CD163: variants seen among roughly 807,000 people sequenced by gnomAD.
CD163 encodes the protein scavenger receptor cysteine-rich type 1 protein M130.
A neutral mutation model predicts 129.2 loss-of-function variants in CD163; 64 were observed. The observed-to-expected ratio is 0.50, with a 90% CI of 0.41 to 0.61. CD163 has a LOEUF of 0.61. Ranked by LOEUF, CD163 falls within the 20% of genes least tolerant of loss-of-function variation. The pLI is 0.00. For missense variants in CD163, 1,061 were observed against 1,377.9 expected (o/e 0.77, Z 3.64); for synonymous variants, 446 against 478.5 (o/e 0.93, Z 0.89).
Position 7,499,187 on chromosome 12 carries a change from A to G in CD163, c.459T>C (p.Asp153=). 1 of 1,604,840 alleles carries G rather than the reference A, an allele frequency of 6.2e-7. No individual in the cohort carries two copies. The highest frequency in any genetic ancestry group is 1.3e-5 in the African/African-American group (1 of 74,844). ...HQQDAGVTCS[D]GSNLEMRLTR... ...TCAGCCTCATTTCCAAATTGGATCC[A>G]TCTGGAGCAGAGAAAAGACCAGAGT... The change falls in exon 4 of 17, where the codon GAT becomes GAC. Residue 153 remains aspartate, a splice_region_variant and synonymous_variant. Coordinates refer to ENST00000432237, the MANE Select transcript of CD163 (RefSeq NM_203416.4).
chr12:7,486,981 G>C lies in CD163; in HGVS notation c.2056C>G (p.Gln686Glu). ...QVASVICSGNQSQTLSSCNSS... is the reference protein window; with the variant it reads ...QVASVICSGNESQTLSSCNSS... The stretch of plus-strand genomic sequence containing the variant: ...TTGCACGAGGACAGTGTTTGGGACT[G>C]GTTTCCTGCAAACACCAAGGTACTC... The change falls in exon 9 of 17, where the codon CAG becomes GAG. Residue 686 changes from glutamine (Q) to glutamate (E), a missense_variant. Transcript: ENST00000432237. 1 of 1,613,312 alleles carries C rather than the reference G, an allele frequency of 6.2e-7. No homozygotes were observed. The highest frequency in any genetic ancestry group is 8.5e-7 in the Non-Finnish European group (1 of 1,179,494).
intron 16 of CD163, among the ~76,000 whole-genome samples, chr12:7,479,159 G>C (rs1011908582): frequency 6.6e-5 from 10 of 152,050 alleles, no homozygotes; most frequent in African/African-American, 2.4e-4. Flanking sequence ...TTTCAGCTTA[G>C]ATTCTAACCA....
At chr12:7,490,605 T>G (rs1172048339) in intron 6 of CD163, among the ~76,000 whole-genome samples, 1 of 152,040 alleles carries the variant, frequency 6.6e-6, no homozygotes, top group Non-Finnish European at 1.5e-5. Context: ...CTCTTGATGT[T>G]ACTATCACAA....
intron 2 of CD163, among the ~76,000 whole-genome samples, chr12:7,501,721 T>A (rs7954492): frequency 0.77 from 117,258 of 152,082 alleles, 48,060 homozygotes; most frequent in Non-Finnish European, 0.91. Flanking sequence ...TATGGCTGGA[T>A]AGCCTTAATA....
rs950897099 is a variant in CD163, at chr12:7,500,970, T to TA, written c.457+168dup. ...TCACAGTGTTCAGAATTTTTTTTAT[T>TA]AAAAAAAAATGACCTCGTGTTTTGT... On this transcript the variant is annotated intron_variant, in intron 3 of 16. Transcript: ENST00000432237. 4.0e-5 allele frequency among the ~76,000 whole-genome samples: 6 copies of TA among 151,320 alleles called. No individual in the cohort carries two copies. In the East Asian group the frequency reaches 5.8e-4, roughly 15 times the overall value.
chr12:7,486,345 A>G (rs1036825853), intron 10 of CD163, among the ~76,000 whole-genome samples, 154 bp downstream of exon 10: 3 of 152,204 alleles, frequency 2.0e-5, no homozygotes, highest in African/African-American at 4.8e-5. Flanking sequence ...AAGTACCACT[A>G]GCACATCAAA....
chr12:7,479,958 G>T, intron 15 of CD163, 45 bp from the exon 16 acceptor site: 1 of 1,612,260 alleles, frequency 6.2e-7, no homozygotes, highest in Non-Finnish European at 8.5e-7. Flanking sequence ...ACAGAAATTA[G>T]TTCAGCAGCA....
intron 6 of CD163, 25 bp from the exon 7 acceptor site, chr12:7,488,112 G>A: frequency 6.4e-7 from 1 of 1,558,888 alleles, no homozygotes; most frequent in Non-Finnish European, 8.7e-7. Flanking sequence ...TTATTTCAGT[G>A]AGAGGTAATA....
rs146324123 is a variant in CD163 at position 7,484,989 on chromosome 12, C to T, written c.2779+107G>A. The T allele has an allele frequency of 4.8e-4, 479 of 999,906 alleles. 1 individual carries two copies. The African/African-American group carries it at 6.2e-3, about 13-fold the overall frequency. The allele number at this position is 999,906 out of a possible 1,614,324, so 61.9% of individuals were successfully genotyped here. A position where few individuals can be genotyped will look rare whatever the true frequency, so the allele number is the denominator to read the frequency against. On this transcript the variant is annotated intron_variant, in intron 11 of 16. Transcript: ENST00000432237. The stretch of plus-strand genomic sequence containing the variant: ...CCCATTCTTGCTTAATTCAATCTAA[C>T]AATTTAAGCCAGTGTGAGAATAGGA...
rs770034027 is a variant in CD163 at position 7,486,479 on chromosome 12, A to C, written c.2458+20T>G. On this transcript the variant is annotated intron_variant, in intron 10 of 16. Transcript: ENST00000432237. ...CCTTTCTCTATGTAATTATGACCAA[A>C]GGTCATATGCATAATTTACCTGAGC... The C allele has an allele frequency of 1.3e-6, 2 of 1,593,908 alleles. No homozygotes were observed. The highest frequency in any genetic ancestry group is 2.2e-5 in the South Asian group (2 of 89,182).
chr12:7,499,245 G>GA, intron 3 of CD163, 57 bp from the exon 4 acceptor site: 2 of 1,469,112 alleles, frequency 1.4e-6, no homozygotes, highest in Non-Finnish European at 1.8e-6. Context: ...AGTGATTTTA[G>GA]AAAAGAAGTT....
At chr12:7,497,566 T>C (rs1316250698) in intron 4 of CD163, among the ~76,000 whole-genome samples, 1 of 152,224 alleles carries the variant, frequency 6.6e-6, no homozygotes, top group Non-Finnish European at 1.5e-5. Context: ...GCCTGTGTTG[T>C]ACACCTGAAC....
chr12:7,480,939 T>C, intron 15 of CD163: 1 of 1,225,826 alleles, frequency 8.2e-7, no homozygotes, highest in Non-Finnish European at 1.0e-6. Context: ...CATACCTCTA[T>C]CAGGAATAAT....
chr12:7,494,667 A>G (rs1949375488), intron 6 of CD163, among the ~76,000 whole-genome samples: 2 of 152,216 alleles, frequency 1.3e-5, no homozygotes, highest in African/African-American at 2.4e-5. Context: ...CTTTTTAAAG[A>G]GGTTGCAGTG....
intron 6 of CD163, among the ~76,000 whole-genome samples, chr12:7,490,627 C>G (rs1188017267): frequency 4.6e-5 from 7 of 152,052 alleles, no homozygotes; most frequent in Admixed American, 3.3e-4. Context: ...GATATAGATA[C>G]ACCATCAGCC....
chr12:7,475,181 C>T (rs1401167314), intron 16 of CD163, among the ~76,000 whole-genome samples: 4 of 150,730 alleles, frequency 2.7e-5, no homozygotes, highest in Non-Finnish European at 4.4e-5. Flanking sequence ...AAATACCATT[C>T]CTTCTGAAAC....
Position 7,498,365 on chromosome 12 carries a change from T to C in CD163, c.778+503A>G, listed in dbSNP as rs571329142. Among the ~76,000 whole-genome samples the C allele has an allele frequency of 1.6e-3, 249 of 152,238 alleles. 1 individual carries two copies. Among genetic ancestry groups the C allele is most frequent in the Non-Finnish European group, 2.6e-3 (175 of 68,014 alleles). On this transcript the variant is annotated intron_variant, in intron 4 of 16. Coordinates refer to ENST00000432237, the MANE Select transcript of CD163 (RefSeq NM_203416.4). ...AAAGTCTCTAGACAGATACAATGCA[T>C]ATCTAGTATAAATAAAGTTTTAATG... is the stretch of plus-strand genomic sequence containing the variant.
intron 6 of CD163, 125 bp downstream of exon 6, chr12:7,494,956 T>G: frequency 1.4e-6 from 1 of 732,444 alleles, no homozygotes; most frequent in Non-Finnish European, 2.3e-6. Flanking sequence ...CCAGTGGAAT[T>G]TGTGTAGATA....
At chr12:7,501,520 TA>T (rs1352997179) in intron 2 of CD163, 58 bp from the exon 3 acceptor site, 4 of 1,337,224 alleles carry the variant, frequency 3.0e-6, no homozygotes, top group African/African-American at 1.4e-5. Flanking sequence ...AGTAGAAAAT[TA>T]TTTTTTTACA....
Sources: gnomAD v4.1 joint callset for allele counts (sites outside exome capture counted in the v4.1 genomes callset) on GRCh38, gnomAD v4.1.1 for gene constraint, MANE v1.5 for transcripts, NCBI Gene and HGNC (gene_info 2026-07-23, HGNC 2026-07-21) for gene names.